Variants in MYO10 observed in about 807,000 individuals in gnomAD.
The protein encoded by MYO10 is unconventional myosin-X.
Under a neutral mutation model 257.3 loss-of-function variants are expected in MYO10, and 133 were observed. That is an observed-to-expected ratio of 0.52 (90% CI 0.45 to 0.60). The LOEUF (loss-of-function observed/expected upper bound fraction) is 0.60, where lower values mean the gene tolerates loss of function less well. Ranked by LOEUF, MYO10 falls within the 20% of genes least tolerant of loss-of-function variation. The probability of loss-of-function intolerance (pLI) is 0.00; values close to 1 mark genes in which losing one functional copy is unlikely to be tolerated. For synonymous variants in MYO10, 1,104 were observed against 1,028.6 expected, an observed-to-expected ratio of 1.07 and a Z score of -1.40; for missense variants, 2,399 against 2,635.7, an observed-to-expected ratio of 0.91 and a Z score of 1.97.
At chr5:16,911,776 G>A (rs1391959050) in intron 1 of MYO10, among the ~76,000 whole-genome samples, 2 of 152,062 alleles carry the variant, frequency 1.3e-5, no homozygotes, top group Non-Finnish European at 2.9e-5. Context: ...GGTGGCTCAT[G>A]CCTGTAATCC....
At chr5:16,769,864 T>C (rs1456802990) in intron 9 of MYO10, among the ~76,000 whole-genome samples, 1 of 152,170 alleles carries the variant, frequency 6.6e-6, no homozygotes, top group African/African-American at 2.4e-5. Flanking sequence ...TAATGAAATA[T>C]TTATTATTTT....
chr5:16,672,628 G>T, intron 37 of MYO10, 61 bp downstream of exon 37: 2 of 1,597,106 alleles, frequency 1.3e-6, no homozygotes, highest in Non-Finnish European at 1.7e-6. Context: ...CTCAAACCCT[G>T]AACCCTGCTC....
chr5:16,786,584 T>C (rs1741588009), intron 4 of MYO10, among the ~76,000 whole-genome samples: 1 of 152,138 alleles, frequency 6.6e-6, no homozygotes, highest in East Asian at 1.9e-4. Flanking sequence ...TCAATAGAAA[T>C]GTTCTTTGGG....
chr5:16,733,360 A>G (rs1166685026), intron 19 of MYO10, among the ~76,000 whole-genome samples: 1 of 152,178 alleles, frequency 6.6e-6, no homozygotes, highest in East Asian at 1.9e-4. Context: ...CATTTCATTA[A>G]AAACATAGCT....
chr5:16,684,903 C>T (rs1056926661), intron 29 of MYO10, among the ~76,000 whole-genome samples: 15 of 151,944 alleles, frequency 9.9e-5, no homozygotes, highest in Non-Finnish European at 1.5e-4. Context: ...AAAAATTAGC[C>T]GGGTGTGGCG....
chr5:16,771,874 C>G (rs1487937496), intron 9 of MYO10, among the ~76,000 whole-genome samples: 1 of 151,738 alleles, frequency 6.6e-6, no homozygotes, highest in Non-Finnish European at 1.5e-5. Context: ...AGCCACCGTG[C>G]CCAGCCAGGA....
intron 1 of MYO10, chr5:16,916,070 G>C (rs184428083): frequency 3.1e-4 from 141 of 456,068 alleles, no homozygotes; most frequent in African/African-American, 2.7e-3. Context: ...GAATCGCTTG[G>C]TCCCGAGTGT....
At chr5:16,674,148 G>T (rs967422148) in intron 35 of MYO10, among the ~76,000 whole-genome samples, 37 of 152,206 alleles carry the variant, frequency 2.4e-4, no homozygotes, top group African/African-American at 8.9e-4. Context: ...GTTAATACTT[G>T]AAAGAGTCAT....
chr5:16,929,287 T>C (rs1047071446), intron 1 of MYO10, among the ~76,000 whole-genome samples: 2 of 152,188 alleles, frequency 1.3e-5, no homozygotes, highest in Non-Finnish European at 2.9e-5. Context: ...GATGAACATT[T>C]TCCTGCGGAG....
At chr5:16,847,349 G>A (rs1481903940) in intron 2 of MYO10, among the ~76,000 whole-genome samples, 3 of 149,864 alleles carry the variant, frequency 2.0e-5, no homozygotes, top group Admixed American at 6.7e-5. Flanking sequence ...GTGTGAACTC[G>A]GGAGGCAGAG....
At chr5:16,776,685 A>G (rs779868062) in intron 9 of MYO10, among the ~76,000 whole-genome samples, 1 of 152,228 alleles carries the variant, frequency 6.6e-6, no homozygotes, top group African/African-American at 2.4e-5. Context: ...AGGGAAGCCA[A>G]GTTCCAAAAG....
chr5:16,762,501 A>C, intron 15 of MYO10, 44 bp downstream of exon 15: 2 of 1,462,894 alleles, frequency 1.4e-6, no homozygotes, highest in Non-Finnish European at 1.9e-6. Context: ...CAACCCACAG[A>C]CGTGCTACTC....
chr5:16,883,762 C>A (rs1290869045), intron 1 of MYO10, among the ~76,000 whole-genome samples: 1 of 152,202 alleles, frequency 6.6e-6, no homozygotes, highest in African/African-American at 2.4e-5. Context: ...AAAACTATTA[C>A]ATTTCTCTTC....
intron 30 of MYO10, among the ~76,000 whole-genome samples, chr5:16,682,961 G>A (rs1028468125): frequency 3.3e-5 from 5 of 152,076 alleles, no homozygotes; most frequent in African/African-American, 9.7e-5. Context: ...GAGAAGGTAA[G>A]GTAGAAACTC....
At chr5:16,717,132 C>T (rs1483867386) in intron 19 of MYO10, among the ~76,000 whole-genome samples, 5 of 152,236 alleles carry the variant, frequency 3.3e-5, no homozygotes, top group South Asian at 2.1e-4. Context: ...CCACCACGCG[C>T]GGCCTTAAAC....
intron 19 of MYO10, among the ~76,000 whole-genome samples, chr5:16,735,651 C>T (rs866634587): frequency 1.4e-4 from 21 of 151,400 alleles, no homozygotes; most frequent in Middle Eastern, 3.4e-3. Flanking sequence ...CGAGATCCCA[C>T]CGCCACACTC....
chr5:16,755,671 C>G (rs896314904), intron 18 of MYO10, among the ~76,000 whole-genome samples: 28 of 151,920 alleles, frequency 1.8e-4, no homozygotes, highest in African/African-American at 6.8e-4. Context: ...CTTCAAATCG[C>G]CAGACTTACA....
intron 19 of MYO10, among the ~76,000 whole-genome samples, chr5:16,749,211 A>G (rs1740307737): frequency 6.6e-6 from 1 of 151,018 alleles, no homozygotes; most frequent in African/African-American, 2.4e-5. Context: ...CGTAAACCTT[A>G]CTCCATGCTG....
rs377472934 is a variant in MYO10 at position 16,701,669 on chromosome 5, A to C, written c.2726T>G (p.Leu909Arg). Residue 909 changes from leucine to arginine, a missense_variant, in exon 25 of 41, where the codon CTG becomes CGG. Physicochemically the swap from Leu to Arg is moderately radical, Grantham distance 102. Around this residue, in one of 3 missense-constraint regions of MYO10, gnomAD observed 1,820 missense variants for 1,939.4 expected, o/e 0.94. Transcript: ENST00000513610. The surrounding 1 kb of genome is among the most constrained non-coding windows in gnomAD (Gnocchi z 8.1). ...CTGCAGGGAAGCCTCGGTCAGCGAC[A>C]GCTCCTGCTGCTCCTTCATGCGCTG... ...DLQRMKEQQE[L>R]SLTEASLQKL... 6.2e-7 allele frequency: 1 copy of C among 1,613,828 alleles called. No homozygotes were observed. Among genetic ancestry groups the C allele is most frequent in the African/African-American group, 1.3e-5 (1 of 74,956 alleles).
Sources: allele counts gnomAD v4.1 joint callset (sites outside exome capture counted in the v4.1 genomes callset), GRCh38; gene constraint gnomAD v4.1.1; regional missense constraint gnomAD v4.1.1; non-coding constraint Gnocchi (gnomAD v3.1); transcripts MANE v1.5; gene names NCBI Gene and HGNC (gene_info 2026-07-23, HGNC 2026-07-21).